Variants in CD53 observed in about 807,000 individuals in gnomAD.
CD53 encodes the protein CD53 molecule, also known as leukocyte surface antigen CD53.
In CD53, 20 loss-of-function variants were observed where a neutral mutation model predicts 27.3. The observed-to-expected ratio is 0.73, with a 90% confidence interval of 0.52 to 1.07. The LOEUF is 1.07. Among genes scored for constraint, CD53 ranks in the 50% least tolerant of loss-of-function variants. The probability of loss-of-function intolerance (pLI) is 0.00; values close to 1 mark genes in which losing one functional copy is unlikely to be tolerated. For missense variants in CD53, 216 were observed against 264.0 expected, an observed-to-expected ratio of 0.82 and a Z score of 1.26; for synonymous variants, 106 against 105.3, an observed-to-expected ratio of 1.01 and a Z score of -0.04.
At position 110,889,120 on chromosome 1, in the gene CD53, T is replaced by A. The variant is rs548808785; in HGVS notation, c.-17-2272T>A. Among the ~76,000 whole-genome samples the A allele has an allele frequency of 5.6e-5, 8 of 142,508 alleles. No homozygotes were observed. In the South Asian group the frequency reaches 1.6e-3, roughly 28 times the overall value. 93.5% of individuals were successfully genotyped at this position (142,508 alleles called of 152,430 possible). ...ATTCTAAGAGTTAATTTAATTTTTTTAAAATTCTAGATAAAATGAATAAGA... is the reference window on the plus strand; with the variant it reads ...ATTCTAAGAGTTAATTTAATTTTTTAAAAATTCTAGATAAAATGAATAAGA... On this transcript the variant is annotated intron_variant, in intron 1 of 7. Coordinates refer to ENST00000271324, the MANE Select transcript of CD53 (RefSeq NM_000560.4).
At chr1:110,885,524 C>T (rs1030892407) in intron 1 of CD53, among the ~76,000 whole-genome samples, 2 of 151,356 alleles carry the variant, frequency 1.3e-5, no homozygotes, top group Admixed American at 1.3e-4. Context: ...GGCGACAGAG[C>T]GAGACTCTGT....
intron 2 of CD53, among the ~76,000 whole-genome samples, chr1:110,891,987 A>C (rs2101059964): frequency 6.6e-6 from 1 of 152,346 alleles, no homozygotes; most frequent in Non-Finnish European, 1.5e-5. Flanking sequence ...TTCCTCAAGC[A>C]GGGCATCTTC....
intron 1 of CD53, among the ~76,000 whole-genome samples, chr1:110,885,941 A>C (rs1570902947): frequency 1.3e-5 from 2 of 152,172 alleles, no homozygotes; most frequent in African/African-American, 4.8e-5. Context: ...TCCTGTAGTC[A>C]CCATTTCTGG....
chr1:110,873,556 A>C (rs1039517658), intron 1 of CD53, among the ~76,000 whole-genome samples: 1 of 152,184 alleles, frequency 6.6e-6, no homozygotes, highest in African/African-American at 2.4e-5. Context: ...GGAGCTTTCT[A>C]TGCGAGATGA....
At chr1:110,881,655 A>G (rs755491257) in intron 1 of CD53, among the ~76,000 whole-genome samples, 4 of 152,210 alleles carry the variant, frequency 2.6e-5, no homozygotes, top group Non-Finnish European at 4.4e-5. Context: ...TATGATAAGT[A>G]TATGTTTAAC....
intron 6 of CD53, 118 bp from the exon 7 acceptor site, chr1:110,897,691 T>C (rs763917832): frequency 5.3e-6 from 3 of 562,576 alleles, no homozygotes; most frequent in Admixed American, 2.9e-5. Context: ...AAAAATATAA[T>C]ACCTAAGCCT....
intron 7 of CD53, among the ~76,000 whole-genome samples, chr1:110,898,100 G>A (rs1434626955): frequency 1.3e-5 from 2 of 152,086 alleles, no homozygotes; most frequent in Non-Finnish European, 2.9e-5. Flanking sequence ...TCTCTTGGCC[G>A]GGCGTGGTGG....
At chr1:110,878,341 C>A (rs1656206645) in intron 1 of CD53, among the ~76,000 whole-genome samples, 1 of 152,148 alleles carries the variant, frequency 6.6e-6, no homozygotes, top group Non-Finnish European at 1.5e-5. Flanking sequence ...TGCTAAGGAA[C>A]AAAGACTGCC....
At chr1:110,891,351 A>T in intron 1 of CD53, 41 bp from the exon 2 acceptor site, 1 of 1,330,098 alleles carries the variant, frequency 7.5e-7, no homozygotes, top group Non-Finnish European at 1.1e-6. Flanking sequence ...TGGCTACCTT[A>T]CAGAGTGAGG....
chr1:110,882,887 A>AT (rs1412860863), intron 1 of CD53, among the ~76,000 whole-genome samples: 2 of 151,982 alleles, frequency 1.3e-5, no homozygotes, highest in African/African-American at 2.4e-5. Flanking sequence ...GAATGCTATT[A>AT]TTTTTTGTGG....
intron 1 of CD53, among the ~76,000 whole-genome samples, chr1:110,890,949 T>C (rs1331134569): frequency 6.6e-6 from 1 of 152,268 alleles, no homozygotes; most frequent in African/African-American, 2.4e-5. Context: ...ATGTAGCATG[T>C]ACATAAATCA....
chr1:110,877,384 A>T (rs1557812995), intron 1 of CD53, among the ~76,000 whole-genome samples: 1 of 152,220 alleles, frequency 6.6e-6, no homozygotes, highest in Non-Finnish European at 1.5e-5. Context: ...CCTCTAGCCG[A>T]GGGACCCCGT....
Position 110,897,878 on chromosome 1 carries a change from G to A in CD53, c.574G>A (p.Val192Ile), listed in dbSNP as rs1657131375. 1.2e-6 allele frequency: 2 copies of A among 1,605,876 alleles called. No homozygotes were observed. Among genetic ancestry groups the A allele is most frequent in the Non-Finnish European group, 1.7e-6 (2 of 1,173,318 alleles). ...FLYIGIITICVCVIEVLGMSF... is the reference protein window; with the variant it reads ...FLYIGIITICICVIEVLGMSF... ...GTATATCGGAATCATCACCATCTGT[G>A]TATGTGTGATTGAGGTAAGAGCTTA... Residue 192 changes from valine to isoleucine, a missense_variant, in exon 7 of 8, where the codon GTA becomes ATA. Transcript: ENST00000271324.
In CD53 at chr1:110,896,457, C is replaced by T. The variant is rs537947038; in HGVS notation, c.424-196C>T. On this transcript the variant is annotated intron_variant, in intron 5 of 7. Coordinates refer to ENST00000271324, the MANE Select transcript of CD53 (RefSeq NM_000560.4). Reference sequence around the variant, plus strand: ...AGATTAAGCACAGGGGTCTCTACTCCACAGGGATCTTATGTGAATGAAATG... The same window carrying T: ...AGATTAAGCACAGGGGTCTCTACTCTACAGGGATCTTATGTGAATGAAATG... Among the ~76,000 whole-genome samples the T allele has an allele frequency of 2.0e-5, 3 of 152,250 alleles. No homozygotes were observed. The South Asian group carries it at 6.2e-4, about 32-fold the overall frequency.
At chr1:110,882,489 A>G (rs1211321825) in intron 1 of CD53, among the ~76,000 whole-genome samples, 1 of 152,090 alleles carries the variant, frequency 6.6e-6, no homozygotes, top group Non-Finnish European at 1.5e-5. Flanking sequence ...ATAGAAAGCA[A>G]TATAATTAGG....
At chr1:110,885,503 A>G (rs1475279775) in intron 1 of CD53, among the ~76,000 whole-genome samples, 1 of 151,952 alleles carries the variant, frequency 6.6e-6, no homozygotes, top group Non-Finnish European at 1.5e-5. Flanking sequence ...GCGCCACTGC[A>G]CTCCAGCCTG....
intron 1 of CD53, among the ~76,000 whole-genome samples, chr1:110,883,780 C>T (rs1263575620): frequency 6.6e-6 from 1 of 151,808 alleles, no homozygotes; most frequent in Non-Finnish European, 1.5e-5. Flanking sequence ...TAATTTGTGC[C>T]TTTCAGTGAA....
At chr1:110,898,990 G>A in intron 7 of CD53, 134 bp from the exon 8 acceptor site, 2 of 638,910 alleles carry the variant, frequency 3.1e-6, no homozygotes, top group Non-Finnish European at 5.5e-6. Flanking sequence ...TCCTGAGAGA[G>A]ACTTGAAAGT....
intron 1 of CD53, 45 bp from the exon 2 acceptor site, chr1:110,891,347 C>A: frequency 7.7e-7 from 1 of 1,296,170 alleles, no homozygotes; most frequent in African/African-American, 1.5e-5. Flanking sequence ...TCTCTGGCTA[C>A]CTTACAGAGT....
Sources: gnomAD v4.1 joint callset for allele counts (sites outside exome capture counted in the v4.1 genomes callset) on GRCh38, gnomAD v4.1.1 for gene constraint, MANE v1.5 for transcripts, NCBI Gene and HGNC (gene_info 2026-07-23, HGNC 2026-07-21) for gene names.